Variants in PRKCB observed in about 807,000 individuals in gnomAD.
PRKCB encodes the protein protein kinase C beta, also known as protein kinase C beta type.
Under a neutral mutation model 81.5 loss-of-function variants are expected in PRKCB, and 13 were observed. That is an observed-to-expected ratio of 0.16 (90% CI 0.10 to 0.25). The LOEUF (loss-of-function observed/expected upper bound fraction) is 0.25. Among genes scored for constraint, PRKCB ranks in the 10% least tolerant of loss-of-function variants. The probability of loss-of-function intolerance (pLI) is 1.00; values close to 1 mark genes in which losing one functional copy is unlikely to be tolerated. For missense variants in PRKCB, 509 were observed against 875.7 expected (o/e 0.58, Z 5.29); for synonymous variants, 335 against 321.4 (o/e 1.04, Z -0.45).
chr16:24,035,205 T>C (rs1036659880), intron 4 of PRKCB, among the ~76,000 whole-genome samples: 10 of 152,148 alleles, frequency 6.6e-5, no homozygotes, highest in Non-Finnish European at 1.2e-4. Flanking sequence ...ACAGACAAGT[T>C]CTACCTCCTT....
intron 10 of PRKCB, among the ~76,000 whole-genome samples, chr16:24,165,789 T>C (rs1212301495): frequency 6.6e-6 from 1 of 152,122 alleles, no homozygotes; most frequent in Non-Finnish European, 1.5e-5. Context: ...TTTAAGTTTT[T>C]TTTAAGTGAG....
intron 2 of PRKCB, among the ~76,000 whole-genome samples, chr16:23,984,690 G>C (rs2141818931): frequency 6.6e-6 from 1 of 152,312 alleles, no homozygotes; most frequent in African/African-American, 2.4e-5. Context: ...TATCATCCCA[G>C]ATAAGATGCT....
chr16:23,858,577 G>A (rs1962612519), intron 2 of PRKCB, among the ~76,000 whole-genome samples: 1 of 151,946 alleles, frequency 6.6e-6, no homozygotes, highest in Non-Finnish European at 1.5e-5. Context: ...GTTTGCACAT[G>A]TGTAGATTTT....
intron 5 of PRKCB, among the ~76,000 whole-genome samples, chr16:24,066,359 A>G (rs537375560): frequency 1.1e-4 from 17 of 152,222 alleles, no homozygotes; most frequent in African/African-American, 3.6e-4. Flanking sequence ...TTTTCAGCTC[A>G]CTGATTTGCC....
chr16:24,088,033 C>T (rs1017625185), intron 5 of PRKCB, among the ~76,000 whole-genome samples: 1 of 152,172 alleles, frequency 6.6e-6, no homozygotes. Context: ...TGAGTTTCAA[C>T]AAAGATAGTA....
rs551696578 is a variant in PRKCB, at chr16:23,924,387, T to C, written c.206-64121T>C. Reference sequence around the variant, plus strand: ...TCAAGATAGCAGTGTGAGAACCGACTAATACGCATGGCCATGCCTAACTTC... The same window carrying C: ...TCAAGATAGCAGTGTGAGAACCGACCAATACGCATGGCCATGCCTAACTTC... On this transcript the variant is annotated intron_variant, in intron 2 of 16. Coordinates refer to ENST00000643927, the MANE Select transcript of PRKCB (RefSeq NM_002738.7). Among the ~76,000 whole-genome samples the C allele has an allele frequency of 1.2e-4, 18 of 152,150 alleles. 1 individual carries two copies. The South Asian group carries it at 3.5e-3, about 30-fold the overall frequency.
chr16:24,181,017 G>A, intron 13 of PRKCB, 89 bp downstream of exon 13: 2 of 1,502,062 alleles, frequency 1.3e-6, no homozygotes, highest in Non-Finnish European at 1.8e-6. Context: ...GGTTGAGGGT[G>A]GTACCTTGCA....
At chr16:24,024,541 C>T (rs2141848991) in intron 3 of PRKCB, among the ~76,000 whole-genome samples, 1 of 152,326 alleles carries the variant, frequency 6.6e-6, no homozygotes, top group African/African-American at 2.4e-5. Context: ...AATCATGCCA[C>T]ATTGTGTGTG....
chr16:23,931,520 T>C (rs1447171934), intron 2 of PRKCB, among the ~76,000 whole-genome samples: 1 of 151,960 alleles, frequency 6.6e-6, no homozygotes, highest in Non-Finnish European at 1.5e-5. Flanking sequence ...GTCATCAGGT[T>C]GGGGTGAGGG....
chr16:24,015,608 A>G (rs1328573489), intron 3 of PRKCB, among the ~76,000 whole-genome samples: 3 of 152,198 alleles, frequency 2.0e-5, no homozygotes, highest in African/African-American at 7.2e-5. Context: ...TCGCCTGGTT[A>G]CACCCTCTAA....
At chr16:23,865,995 T>A (rs1444247985) in intron 2 of PRKCB, among the ~76,000 whole-genome samples, 1 of 151,946 alleles carries the variant, frequency 6.6e-6, no homozygotes, top group Non-Finnish European at 1.5e-5. Flanking sequence ...GATTCTATCC[T>A]TTGAGTCTAC....
At chr16:24,110,407 T>C (rs969877233) in intron 7 of PRKCB, among the ~76,000 whole-genome samples, 1 of 151,032 alleles carries the variant, frequency 6.6e-6, no homozygotes, top group Non-Finnish European at 1.5e-5. Flanking sequence ...ACAGATGGGG[T>C]TTCACCATGT....
chr16:23,854,244 A>G (rs1208616469), intron 2 of PRKCB, among the ~76,000 whole-genome samples: 4 of 152,090 alleles, frequency 2.6e-5, no homozygotes, highest in Non-Finnish European at 5.9e-5. Context: ...TTCTCTTCTA[A>G]GCTGACTTGT....
intron 9 of PRKCB, among the ~76,000 whole-genome samples, chr16:24,143,877 A>G (rs529590047): frequency 1.3e-5 from 2 of 152,228 alleles, no homozygotes; most frequent in South Asian, 4.1e-4. Flanking sequence ...ACAGTGCTAG[A>G]TGTTTTGGTC....
At chr16:23,881,958 T>C (rs1240986268) in intron 2 of PRKCB, among the ~76,000 whole-genome samples, 1 of 150,504 alleles carries the variant, frequency 6.6e-6, no homozygotes. Flanking sequence ...CTTCCTTTTT[T>C]TCTTTTCCTT....
chr16:24,219,703 C>CACACA lies in PRKCB; in HGVS notation c.*4887_*4888insACACA. 8.0e-7 allele frequency: 1 copy of CACACA among 1,247,812 alleles called. No homozygotes were observed. The highest frequency in any genetic ancestry group is 1.0e-6 in the Non-Finnish European group (1 of 986,724). 77.3% of individuals were successfully genotyped at this position (1,247,812 alleles called of 1,614,324 possible). ...ACACACACACACACACACACACACACCACTTTATGGCAATTCTTAACTGAC... is the reference window on the plus strand; with the variant it reads ...ACACACACACACACACACACACACACACACACACTTTATGGCAATTCTTAACTGAC... On this transcript the variant is annotated 3_prime_UTR_variant, in exon 17 of 17. Coordinates refer to ENST00000643927, the MANE Select transcript of PRKCB (RefSeq NM_002738.7).
At chr16:24,098,150 A>C (rs1376217979) in intron 7 of PRKCB, 1 of 152,164 alleles carries the variant, frequency 6.6e-6, no homozygotes, top group African/African-American at 2.4e-5. Context: ...TTAGAATTTT[A>C]TTTTGGTTTA....
At chr16:23,905,121 A>G (rs1963539867) in intron 2 of PRKCB, among the ~76,000 whole-genome samples, 2 of 145,652 alleles carry the variant, frequency 1.4e-5, no homozygotes. Flanking sequence ...TGTGGGATCC[A>G]TTGCTTCCAT....
intron 2 of PRKCB, among the ~76,000 whole-genome samples, chr16:23,965,065 G>T (rs1335170437): frequency 6.6e-6 from 1 of 152,136 alleles, no homozygotes; most frequent in Admixed American, 6.6e-5. Flanking sequence ...TGGGTAAATT[G>T]CATGTCCCTG....
Sources: allele counts gnomAD v4.1 joint callset (sites outside exome capture counted in the v4.1 genomes callset), GRCh38; gene constraint gnomAD v4.1.1; transcripts MANE v1.5; gene names NCBI Gene and HGNC (gene_info 2026-07-23, HGNC 2026-07-21).